The following TBC1D23 variants were observed in gnomAD, a reference collection of about 807,000 sequenced individuals.
The protein encoded by TBC1D23 is HCV non-structural protein 4A-transactivated protein 1.
TBC1D23 carries 55 observed loss-of-function variants against 91.4 expected under a neutral mutation model. The observed-to-expected ratio is 0.60, with a 90% CI of 0.48 to 0.75. The LOEUF (loss-of-function observed/expected upper bound fraction) is 0.75, where lower values mean the gene tolerates loss of function less well. Ranked by LOEUF, TBC1D23 falls within the 30% of genes least tolerant of loss-of-function variation. TBC1D23 has a pLI of 0.00. For missense variants in TBC1D23, 725 were observed against 836.1 expected, an observed-to-expected ratio of 0.87 and a Z score of 1.64; for synonymous variants, 289 against 281.0, an observed-to-expected ratio of 1.03 and a Z score of -0.28.
At chr3:100,269,170 A>C (rs142776463) in intron 1 of TBC1D23, among the ~76,000 whole-genome samples, 1 of 152,264 alleles carries the variant, frequency 6.6e-6, no homozygotes, top group African/African-American at 2.4e-5. Flanking sequence ...CAATGATGAA[A>C]TACTGTAGCT....
At chr3:100,274,934 C>T (rs140782724) in intron 1 of TBC1D23, among the ~76,000 whole-genome samples, 1,490 of 142,128 alleles carry the variant, frequency 0.01, 25 homozygotes, top group Middle Eastern at 0.051. Flanking sequence ...CCTCAGTGAA[C>T]GGACACTTGG....
chr3:100,320,562 C>A (rs1389726459), intron 17 of TBC1D23, among the ~76,000 whole-genome samples: 3 of 151,934 alleles, frequency 2.0e-5, no homozygotes, highest in Non-Finnish European at 4.4e-5. Flanking sequence ...TCAATCATTG[C>A]AGGATTATCT....
intron 1 of TBC1D23, among the ~76,000 whole-genome samples, chr3:100,278,996 C>A (rs2067673346): frequency 6.6e-6 from 1 of 152,102 alleles, no homozygotes; most frequent in African/African-American, 2.4e-5. Flanking sequence ...GTTTTGAATT[C>A]TTGGCTGAAT....
intron 11 of TBC1D23, among the ~76,000 whole-genome samples, chr3:100,303,127 T>C (rs960052929): frequency 6.6e-6 from 1 of 152,214 alleles, no homozygotes; most frequent in Non-Finnish European, 1.5e-5. Flanking sequence ...TGATGGCTTG[T>C]TTTTTATTAT....
Position 100,319,065 on chromosome 3 carries a change from A to G in TBC1D23, c.1688-4A>G, listed in dbSNP as rs768268675. On this transcript the variant is annotated splice_polypyrimidine_tract_variant and splice_region_variant and intron_variant, in intron 16 of 18. Transcript: ENST00000394144. ...CCATATTTAATACTTTGTATTTTTT[A>G]TAGATGAAATTGACAGTTCTTCAAT... is the stretch of plus-strand genomic sequence containing the variant. 1.9e-6 allele frequency: 3 copies of G among 1,538,752 alleles called. No homozygotes were observed. The highest frequency in any genetic ancestry group is 2.3e-5 in the East Asian group (1 of 44,242).
chr3:100,280,726 A>G (rs932497724), intron 2 of TBC1D23, among the ~76,000 whole-genome samples: 2 of 152,234 alleles, frequency 1.3e-5, no homozygotes, highest in Non-Finnish European at 2.9e-5. Flanking sequence ...CCATGTGCCC[A>G]TAACCCAGCT....
At chr3:100,291,320 C>T (rs572652201) in intron 5 of TBC1D23, among the ~76,000 whole-genome samples, 3 of 152,200 alleles carry the variant, frequency 2.0e-5, no homozygotes, top group East Asian at 1.9e-4. Context: ...CAGTGGCTCA[C>T]GCCTGCAATC....
chr3:100,276,553 T>G (rs542811198), intron 1 of TBC1D23, among the ~76,000 whole-genome samples: 6 of 152,308 alleles, frequency 3.9e-5, no homozygotes, highest in African/African-American at 1.4e-4. Flanking sequence ...TTATTCACCA[T>G]TTGGCTAAAG....
In TBC1D23 at chr3:100,310,426, T is replaced by G. The variant is rs1197997747; in HGVS notation, c.1437T>G (p.Ser479Arg). The change falls in exon 14 of 19, where the codon AGT becomes AGG. Residue 479 changes from serine to arginine, a missense_variant. Coordinates refer to ENST00000394144, the MANE Select transcript of TBC1D23 (RefSeq NM_001199198.3). ...SVDGESPNGS[S>R]DRGMKSLVNK... ...AGGGTGAATCTCCTAATGGCTCAAG[T>G]GATAGAGGAATGAAATCACTAGTAA... The G allele has an allele frequency of 5.0e-6, 8 of 1,612,794 alleles. No homozygotes were observed. Among genetic ancestry groups the G allele is most frequent in the Non-Finnish European group, 6.8e-6 (8 of 1,179,626 alleles).
intron 5 of TBC1D23, 35 bp downstream of exon 5, chr3:100,290,736 A>T: frequency 6.5e-7 from 1 of 1,539,310 alleles, no homozygotes; most frequent in Non-Finnish European, 8.8e-7. Flanking sequence ...TTAATGAAAA[A>T]TAGATTTATG....
chr3:100,304,548 C>T (rs1440967320), intron 11 of TBC1D23, among the ~76,000 whole-genome samples: 3 of 152,204 alleles, frequency 2.0e-5, no homozygotes, highest in African/African-American at 7.2e-5. Context: ...TCCTAAAATA[C>T]TGTTTAACTA....
intron 15 of TBC1D23, among the ~76,000 whole-genome samples, chr3:100,313,545 T>G (rs540387999): frequency 6.6e-6 from 1 of 152,322 alleles, no homozygotes; most frequent in South Asian, 2.1e-4. Flanking sequence ...TATAAAAAAT[T>G]TGCATTGTAT....
rs1015202260 is a variant in TBC1D23 at position 100,287,258 on chromosome 3, A to C, written c.477-3320A>C. Reference sequence around the variant, plus strand: ...CTCCCAAGTAGCTGGGTTTAAAGGTACATGCCACTATCACCAGGCTAATTT... The same window carrying C: ...CTCCCAAGTAGCTGGGTTTAAAGGTCCATGCCACTATCACCAGGCTAATTT... On this transcript the variant is annotated intron_variant, in intron 4 of 18. Coordinates refer to ENST00000394144, the MANE Select transcript of TBC1D23 (RefSeq NM_001199198.3). Among the ~76,000 whole-genome samples, 4 of 152,262 alleles carry C rather than the reference A, an allele frequency of 2.6e-5. No individual in the cohort carries two copies. In the East Asian group the frequency reaches 7.7e-4, roughly 29 times the overall value.
At chr3:100,292,985 A>T (rs555236349) in intron 5 of TBC1D23, among the ~76,000 whole-genome samples, 1 of 152,246 alleles carries the variant, frequency 6.6e-6, no homozygotes, top group East Asian at 1.9e-4. Context: ...TTTCTTAGGC[A>T]TTTTAATAAT....
intron 1 of TBC1D23, among the ~76,000 whole-genome samples, chr3:100,268,636 C>T (rs572596469): frequency 1.3e-5 from 2 of 152,308 alleles, no homozygotes; most frequent in African/African-American, 2.4e-5. Context: ...ATCTCTCTCT[C>T]TTTGCTGTTT....
chr3:100,302,681 G>C (rs1304550899), intron 11 of TBC1D23, among the ~76,000 whole-genome samples: 1 of 152,114 alleles, frequency 6.6e-6, no homozygotes, highest in Non-Finnish European at 1.5e-5. Flanking sequence ...CTGCATCCTG[G>C]ATTCAAACAA....
chr3:100,279,258 T>C (rs747496756), intron 1 of TBC1D23, among the ~76,000 whole-genome samples: 2 of 152,182 alleles, frequency 1.3e-5, no homozygotes, highest in South Asian at 2.1e-4. Context: ...ACCTACCTCA[T>C]AGGGATTGTT....
chr3:100,271,924 T>C (rs543538671), intron 1 of TBC1D23, among the ~76,000 whole-genome samples: 1 of 152,306 alleles, frequency 6.6e-6, no homozygotes, highest in Non-Finnish European at 1.5e-5. Flanking sequence ...TTGTCAAGAA[T>C]GTGCTTTAAG....
chr3:100,264,935 TGA>T (rs1471952034), intron 1 of TBC1D23, among the ~76,000 whole-genome samples: 1 of 152,206 alleles, frequency 6.6e-6, no homozygotes, highest in Non-Finnish European at 1.5e-5. Flanking sequence ...AGGTGGAACT[TGA>T]GAGTCTCTGT....
Sources: gnomAD v4.1 joint callset for allele counts (sites outside exome capture counted in the v4.1 genomes callset) on GRCh38, gnomAD v4.1.1 for gene constraint, MANE v1.5 for transcripts, NCBI Gene and HGNC (gene_info 2026-07-23, HGNC 2026-07-21) for gene names.